Variants in ACOT12 observed in about 807,000 individuals in gnomAD.
ACOT12 encodes the protein acyl-CoA thioesterase 12, also known as acetyl-coenzyme A thioesterase.
Under a neutral mutation model 67.7 loss-of-function variants are expected in ACOT12, and 51 were observed. The observed-to-expected ratio is 0.75, with a 90% CI of 0.60 to 0.95. ACOT12 has a LOEUF of 0.95. ACOT12 is among the 40% of genes least tolerant of loss of function. The pLI is 0.00. For missense variants in ACOT12, 734 were observed against 708.1 expected, an observed-to-expected ratio of 1.04 and a Z score of -0.41; for synonymous variants, 251 against 244.6, an observed-to-expected ratio of 1.03 and a Z score of -0.24.
intron 1 of ACOT12, among the ~76,000 whole-genome samples, chr5:81,390,485 C>A (rs572686639): frequency 6.6e-6 from 1 of 151,136 alleles, no homozygotes; most frequent in East Asian, 1.9e-4. Context: ...TCTTTTCAAT[C>A]TTTTTCTTCT....
At chr5:81,329,454 T>G (rs993478444), downstream of ACOT12, among the ~76,000 whole-genome samples, 1 of 152,176 alleles carries the variant, frequency 6.6e-6, no homozygotes, top group African/African-American at 2.4e-5. Context: ...TGAAAATAAT[T>G]ATAACCAGGC....
At chr5:81,371,882 T>G (rs992832743) in intron 2 of ACOT12, 72 bp from the exon 3 acceptor site, 1 of 1,330,822 alleles carries the variant, frequency 7.5e-7, no homozygotes, top group African/African-American at 1.4e-5. Flanking sequence ...TAAAGATTAC[T>G]TAAATGCATG....
Position 81,386,994 on chromosome 5 carries a change from C to CTT in ACOT12, c.128-1169_128-1168insAA, listed in dbSNP as rs1052387807. Among the ~76,000 whole-genome samples, 582 of 128,402 alleles carry CTT rather than the reference C, an allele frequency of 4.5e-3. 14 individuals are homozygous for CTT. The highest frequency in any genetic ancestry group is 8.4e-3 in the African/African-American group (259 of 30,834). The allele number at this position is 128,402 out of a possible 152,430, so 84.2% of individuals were successfully genotyped here. A position where few individuals can be genotyped will look rare whatever the true frequency, so the allele number is the denominator to read the frequency against. ...TCCAGACACTGAGTTGGATGAGTTC[C>CTT]ATTTTTTTTTTTTTTTTTTTTTTTC... On this transcript the variant is annotated intron_variant, in intron 1 of 14. Coordinates refer to ENST00000307624, the MANE Select transcript of ACOT12 (RefSeq NM_130767.3).
Position 81,332,602 on chromosome 5 carries a change from G to A in ACOT12, c.1266C>T (p.Ser422=). 6.2e-7 allele frequency: 1 copy of A among 1,613,920 alleles called. No individual in the cohort carries two copies. The highest frequency in any genetic ancestry group is 1.1e-5 in the South Asian group (1 of 91,058). ...CACTCACCCAGTCTATGACTTCACAGGACCTGTGTATATAGAACAGTGAAA... is the reference window on the plus strand; with the variant it reads ...CACTCACCCAGTCTATGACTTCACAAGACCTGTGTATATAGAACAGTGAAA... ...KRPLWDPHFV[S]CEVIDWVSED... The change falls in exon 13 of 15, where the codon TCC becomes TCT. Residue 422 remains serine (S), a synonymous_variant. Coordinates refer to ENST00000307624, the MANE Select transcript of ACOT12 (RefSeq NM_130767.3).
chr5:81,383,751 C>T (rs887432711), intron 2 of ACOT12, among the ~76,000 whole-genome samples: 1 of 150,244 alleles, frequency 6.7e-6, no homozygotes, highest in Non-Finnish European at 1.5e-5. Context: ...AAAAAAATAA[C>T]AAATTTTAAA....
the ACOT12 span, among the ~76,000 whole-genome samples, chr5:81,323,585 G>A: frequency 2.6e-5 from 4 of 152,318 alleles, no homozygotes; most frequent in African/African-American, 7.2e-5. Flanking sequence ...GAGTAGGAAA[G>A]TATACTCCAT....
chr5:81,372,374 C>T (rs963393803), intron 2 of ACOT12, among the ~76,000 whole-genome samples: 2 of 152,158 alleles, frequency 1.3e-5, no homozygotes, highest in South Asian at 2.1e-4. Flanking sequence ...TAATTCCTTC[C>T]CCTTAGCAGA....
At chr5:81,358,825 G>C (rs977176089) in intron 5 of ACOT12, among the ~76,000 whole-genome samples, 16 of 151,510 alleles carry the variant, frequency 1.1e-4, no homozygotes, top group Admixed American at 4.6e-4. Context: ...CTCCAGCCTG[G>C]GCAACAAGAG....
At chr5:81,363,411 CT>C (rs1406733998) in intron 4 of ACOT12, among the ~76,000 whole-genome samples, 3 of 152,146 alleles carry the variant, frequency 2.0e-5, no homozygotes, top group Admixed American at 1.3e-4. Context: ...CTAAATTGCT[CT>C]TGCTTTTTTA....
Position 81,373,761 on chromosome 5 carries a change from A to G in ACOT12, c.198-1951T>C, listed in dbSNP as rs543081832. On this transcript the variant is annotated intron_variant, in intron 2 of 14. Transcript: ENST00000307624. ...GTAAACAAAGCCACCAGGAAGTTCA[A>G]AGTGAGCAAAGCCCACCACAGCTCA... 2.6e-5 allele frequency among the ~76,000 whole-genome samples: 4 copies of G among 152,284 alleles called. No individual in the cohort carries two copies. The East Asian group carries it at 7.7e-4, about 29-fold the overall frequency.
chr5:81,321,763 A>G, the ACOT12 span, among the ~76,000 whole-genome samples: 1 of 152,210 alleles, frequency 6.6e-6, no homozygotes, highest in Non-Finnish European at 1.5e-5. Flanking sequence ...CCTGGGCAAC[A>G]TGGTGAAACC....
intron 13 of ACOT12, 143 bp downstream of exon 13, chr5:81,332,334 T>C (rs1758854708): frequency 5.2e-6 from 5 of 958,564 alleles, no homozygotes; most frequent in Non-Finnish European, 7.4e-6. Context: ...AAATAATAGC[T>C]AAAGATTCAT....
chr5:81,332,448 A>C (rs779239549), intron 13 of ACOT12, 29 bp downstream of exon 13: 1 of 1,610,644 alleles, frequency 6.2e-7, no homozygotes, highest in East Asian at 2.2e-5. Context: ...ATGAAATATT[A>C]ATAGAACACT....
chr5:81,383,052 G>T (rs914623720), intron 2 of ACOT12, among the ~76,000 whole-genome samples: 1 of 152,140 alleles, frequency 6.6e-6, no homozygotes, highest in African/African-American at 2.4e-5. Flanking sequence ...TGTAGTCTAT[G>T]ATCATTAGAT....
At chr5:81,382,425 C>CTT (rs1452059103) in intron 2 of ACOT12, among the ~76,000 whole-genome samples, 3 of 152,114 alleles carry the variant, frequency 2.0e-5, no homozygotes, top group Non-Finnish European at 4.4e-5. Context: ...TAACTTTGGG[C>CTT]TTTTGTTCAA....
chr5:81,365,877 A>G (rs10078088), intron 3 of ACOT12, among the ~76,000 whole-genome samples: 93,733 of 151,986 alleles, frequency 0.62, 31,383 homozygotes, highest in African/African-American at 0.87. Context: ...AGAGAAGGAA[A>G]CTAAAAAAAA....
At chr5:81,322,481 C>A in the ACOT12 span, among the ~76,000 whole-genome samples, 6 of 141,948 alleles carry the variant, frequency 4.2e-5, no homozygotes, top group Admixed American at 4.3e-4. Flanking sequence ...AAAAAAAACC[C>A]CACATACATG....
chr5:81,353,919 G>A (rs1375552495), intron 5 of ACOT12, among the ~76,000 whole-genome samples: 1 of 152,118 alleles, frequency 6.6e-6, no homozygotes, highest in African/African-American at 2.4e-5. Context: ...TCTTCTTTTA[G>A]AACACACAAT....
chr5:81,334,398 G>A (rs1165746770), intron 12 of ACOT12, among the ~76,000 whole-genome samples: 4 of 152,180 alleles, frequency 2.6e-5, no homozygotes, highest in African/African-American at 9.6e-5. Flanking sequence ...TGGGGTCAGA[G>A]CTCAAAAACA....
Sources: allele counts gnomAD v4.1 joint callset (sites outside exome capture counted in the v4.1 genomes callset), GRCh38; gene constraint gnomAD v4.1.1; transcripts MANE v1.5; gene names NCBI Gene and HGNC (gene_info 2026-07-23, HGNC 2026-07-21).